KCNQ4: variants seen among roughly 807,000 people sequenced by gnomAD.
KCNQ4 encodes potassium voltage-gated channel subfamily KQT member 4.
Under a neutral mutation model 72.6 loss-of-function variants are expected in KCNQ4, and 31 were observed. The observed-to-expected ratio is 0.43, with a 90% confidence interval of 0.32 to 0.58. The LOEUF is 0.58. KCNQ4 is among the 20% of genes least tolerant of loss of function. KCNQ4 has a pLI of 0.08. For synonymous variants in KCNQ4, 405 were observed against 403.7 expected (o/e 1.00, Z -0.04); for missense variants, 869 against 962.6 (o/e 0.90, Z 1.29).
chr1:40,832,824 A>G (rs1297794757), intron 10 of KCNQ4, among the ~76,000 whole-genome samples, 190 bp from the exon 11 acceptor site: 2 of 152,066 alleles, frequency 1.3e-5, no homozygotes, highest in Non-Finnish European at 2.9e-5. Flanking sequence ...GCAGATGGGC[A>G]TGCAACACAC....
At chr1:40,812,288 G>A (rs1311040810) in intron 1 of KCNQ4, among the ~76,000 whole-genome samples, 2 of 152,100 alleles carry the variant, frequency 1.3e-5, no homozygotes, top group Non-Finnish European at 2.9e-5. Context: ...ACAGAGTCTG[G>A]CTCTGTCCCC....
At chr1:40,831,338 C>CCGGCTGAG in intron 10 of KCNQ4, 34 bp downstream of exon 10, 1 of 1,537,678 alleles carries the variant, frequency 6.5e-7, no homozygotes, top group East Asian at 2.4e-5. Flanking sequence ...CGATCGAGGG[C>CCGGCTGAG]CGGCTGAGGG....
At chr1:40,836,834 A>G (rs1648817301) in intron 12 of KCNQ4, among the ~76,000 whole-genome samples, 1 of 152,180 alleles carries the variant, frequency 6.6e-6, no homozygotes, top group Non-Finnish European at 1.5e-5. Context: ...TGGGAGCTTG[A>G]CAACAGTAGT....
At position 40,808,345 on chromosome 1, in the gene KCNQ4, C is replaced by T. The variant is rs570505938; in HGVS notation, c.315-8920C>T. 4.6e-5 allele frequency among the ~76,000 whole-genome samples: 7 copies of T among 152,234 alleles called. 1 individual carries two copies. The South Asian group carries it at 1.0e-3, about 23-fold the overall frequency. On this transcript the variant is annotated intron_variant, in intron 1 of 13. Coordinates refer to ENST00000347132, the MANE Select transcript of KCNQ4 (RefSeq NM_004700.4). ...ATCAAGCCTTAAAAACAAACAGCAACAAAAAACCTAAATAAAACCCTGAAA... is the reference window on the plus strand; with the variant it reads ...ATCAAGCCTTAAAAACAAACAGCAATAAAAAACCTAAATAAAACCCTGAAA...
Position 40,836,241 on chromosome 1 carries a change from A to G in KCNQ4, c.1745+1143A>G, listed in dbSNP as rs545699255. Among the ~76,000 whole-genome samples, 3 of 152,288 alleles carry G rather than the reference A, an allele frequency of 2.0e-5. No individual in the cohort carries two copies. In the East Asian group the frequency reaches 5.8e-4, roughly 29 times the overall value. ...AGATTCTAGATACATTTTGTAGGCA[A>G]AGTTGACAGGGTTTTCTGATGGGGT... On this transcript the variant is annotated intron_variant, in intron 12 of 13. Transcript: ENST00000347132.
At chr1:40,800,601 A>T (rs1647544493) in intron 1 of KCNQ4, among the ~76,000 whole-genome samples, 2 of 152,224 alleles carry the variant, frequency 1.3e-5, no homozygotes, top group African/African-American at 4.8e-5. Flanking sequence ...CTCAGGCTTC[A>T]CAGGACAGTG....
rs1648884297 is a variant in KCNQ4 at position 40,838,609 on chromosome 1, T to C, written c.*86T>C. On this transcript the variant is annotated 3_prime_UTR_variant, in exon 14 of 14. Transcript: ENST00000347132. ...CTCTGAGGCCTCCGGACTCCTCTCG[T>C]ACTTGAACTCACTCCCTCACGGGGA... 3.3e-6 allele frequency: 4 copies of C among 1,226,566 alleles called. No individual in the cohort carries two copies. The highest frequency in any genetic ancestry group is 3.5e-5 in the Admixed American group (2 of 57,594). 76.0% of individuals were successfully genotyped at this position (1,226,566 alleles called of 1,614,324 possible).
chr1:40,800,994 A>G (rs949088304), intron 1 of KCNQ4, among the ~76,000 whole-genome samples: 1 of 152,166 alleles, frequency 6.6e-6, no homozygotes, highest in African/African-American at 2.4e-5. Flanking sequence ...GGTGCTTAGG[A>G]TGTGTGTACA....
At chr1:40,822,531 T>C in intron 8 of KCNQ4, 129 bp downstream of exon 8, 1 of 706,544 alleles carries the variant, frequency 1.4e-6, no homozygotes, top group Non-Finnish European at 2.5e-6. Flanking sequence ...CTGGGCTGGC[T>C]CTGCAGATCC....
At chr1:40,809,452 G>A (rs1647860395) in intron 1 of KCNQ4, among the ~76,000 whole-genome samples, 1 of 152,146 alleles carries the variant, frequency 6.6e-6, no homozygotes, top group Non-Finnish European at 1.5e-5. Context: ...TGCTCCTCCA[G>A]TGGGGTCTCC....
At chr1:40,808,153 G>T (rs190487295) in intron 1 of KCNQ4, among the ~76,000 whole-genome samples, 2 of 152,204 alleles carry the variant, frequency 1.3e-5, no homozygotes, top group Admixed American at 1.3e-4. Flanking sequence ...GCAGTCCCCA[G>T]ACACTGGCAG....
At chr1:40,816,712 G>C (rs1648095775) in intron 1 of KCNQ4, among the ~76,000 whole-genome samples, 1 of 152,084 alleles carries the variant, frequency 6.6e-6, no homozygotes, top group Non-Finnish European at 1.5e-5. Context: ...TTCTCTACCT[G>C]TCCTCCATGA....
At chr1:40,834,750 C>A (rs72661521) in intron 11 of KCNQ4, among the ~76,000 whole-genome samples, 1 of 151,754 alleles carries the variant, frequency 6.6e-6, no homozygotes, top group Admixed American at 6.6e-5. Flanking sequence ...TGAACCCCAT[C>A]CTCCACCCCG....
rs1376096223 is a variant in KCNQ4, at chr1:40,794,288, C to G, written c.314+9881C>G. On this transcript the variant is annotated intron_variant, in intron 1 of 13. Coordinates refer to ENST00000347132, the MANE Select transcript of KCNQ4 (RefSeq NM_004700.4). This position sits in a 1 kb window ranked among gnomAD's most constrained non-coding sequence, Gnocchi z 4.2. ...CCTTACCCTGTGGGCAGTGGGGAGCCATACACGGTGACAGGCCAGGGTGGG... is the reference window on the plus strand; with the variant it reads ...CCTTACCCTGTGGGCAGTGGGGAGCGATACACGGTGACAGGCCAGGGTGGG... Among the ~76,000 whole-genome samples, 1 of 152,154 alleles carries G rather than the reference C, an allele frequency of 6.6e-6. No homozygotes were observed. Among genetic ancestry groups the G allele is most frequent in the Non-Finnish European group, 1.5e-5 (1 of 68,026 alleles).
chr1:40,830,848 T>C (rs1002788071), intron 9 of KCNQ4, among the ~76,000 whole-genome samples: 41 of 152,276 alleles, frequency 2.7e-4, no homozygotes, highest in Middle Eastern at 3.4e-3. Context: ...GTCCGGGTGA[T>C]GAGGGGTGGG....
intron 1 of KCNQ4, among the ~76,000 whole-genome samples, chr1:40,786,119 T>C (rs1647200144): frequency 6.6e-6 from 1 of 151,856 alleles, no homozygotes; most frequent in Non-Finnish European, 1.5e-5. Flanking sequence ...GGGGACTACT[T>C]CTTAGGAGTG....
Position 40,838,370 on chromosome 1 carries a change from C to T in KCNQ4, c.1935C>T (p.Arg645=), listed in dbSNP as rs1224021069. 2 of 1,614,026 alleles carry T rather than the reference C, an allele frequency of 1.2e-6. No individual in the cohort carries two copies. The highest frequency in any genetic ancestry group is 8.5e-7 in the Non-Finnish European group (1 of 1,179,946). The change falls in exon 14 of 14, where the codon CGC becomes CGT. Residue 645 remains arginine, a synonymous_variant. Coordinates refer to ENST00000347132, the MANE Select transcript of KCNQ4 (RefSeq NM_004700.4). ...LLLGFYSRCL[R]SGTSASLGAV... is the part of the protein sequence containing the mutation. Reference sequence around the variant, plus strand: ...TGGGCTTCTATTCGCGCTGCCTGCGCTCTGGCACCTCGGCCAGCCTGGGCG... The same window carrying T: ...TGGGCTTCTATTCGCGCTGCCTGCGTTCTGGCACCTCGGCCAGCCTGGGCG...
intron 13 of KCNQ4, 63 bp from the exon 14 acceptor site, chr1:40,838,248 C>A: frequency 1.4e-6 from 2 of 1,461,328 alleles, no homozygotes; most frequent in East Asian, 2.3e-5. Context: ...AGACCCAAGC[C>A]CCGCCCCCGG....
In KCNQ4 at chr1:40,833,071, A is replaced by G; in HGVS notation, c.1571A>G (p.Asp524Gly). 1 of 1,613,130 alleles carries G rather than the reference A, an allele frequency of 6.2e-7. No individual in the cohort carries two copies. The highest frequency in any genetic ancestry group is 8.5e-7 in the Non-Finnish European group (1 of 1,179,940). The change falls in exon 11 of 14, where the codon GAC (aspartate) becomes GGC (glycine). Residue 524 changes from aspartate to glycine, a missense_variant. Asp to Gly is a moderately conservative substitution (Grantham distance 94). Transcript: ENST00000347132. ...EKSYQCELTV[D>G]DIMPAVKTVI... The stretch of plus-strand genomic sequence containing the variant: ...AGCTACCAGTGTGAGCTCACGGTGG[A>G]CGACATCATGCCTGCTGTGAAGACA...
Sources: gnomAD v4.1 joint callset for allele counts (sites outside exome capture counted in the v4.1 genomes callset) on GRCh38, gnomAD v4.1.1 for gene constraint, Gnocchi (gnomAD v3.1) non-coding constraint, MANE v1.5 for transcripts, NCBI Gene and HGNC (gene_info 2026-07-23, HGNC 2026-07-21) for gene names.